Variants in ADAMTS3 observed in about 807,000 individuals in gnomAD.
ADAMTS3 encodes ADAM metallopeptidase with thrombospondin type 1 motif 3.
In ADAMTS3, 73 loss-of-function variants were observed where a neutral mutation model predicts 129.0. That is an observed-to-expected ratio of 0.57 (90% CI 0.47 to 0.69). ADAMTS3 has a LOEUF of 0.69. Among genes scored for constraint, ADAMTS3 ranks in the 30% least tolerant of loss-of-function variants. The pLI, the probability that ADAMTS3 is intolerant of heterozygous loss-of-function variation, is 0.00. For missense variants in ADAMTS3, 1,457 were observed against 1,514.5 expected, an observed-to-expected ratio of 0.96 and a Z score of 0.63; for synonymous variants, 477 against 510.8, an observed-to-expected ratio of 0.93 and a Z score of 0.89.
intron 3 of ADAMTS3, among the ~76,000 whole-genome samples, chr4:72,435,316 T>C (rs1258895534): frequency 6.6e-6 from 1 of 151,764 alleles, no homozygotes; most frequent in Non-Finnish European, 1.5e-5. Flanking sequence ...AAAATATTGA[T>C]TTTTAGGGCT....
rs994121554 is a variant in ADAMTS3, at chr4:72,501,533, T to G, written c.504+46945A>C. Among the ~76,000 whole-genome samples the G allele has an allele frequency of 3.9e-5, 6 of 152,104 alleles. No individual in the cohort carries two copies. In the East Asian group the frequency reaches 1.2e-3, roughly 29 times the overall value. Reference sequence around the variant, plus strand: ...AGCTTTTTGACAGAGTCTTTAGGGTTTTTTTAGCTCTAGAATCATATCATG... The same window carrying G: ...AGCTTTTTGACAGAGTCTTTAGGGTGTTTTTAGCTCTAGAATCATATCATG... On this transcript the variant is annotated intron_variant, in intron 3 of 21. Transcript: ENST00000286657.
intron 3 of ADAMTS3, among the ~76,000 whole-genome samples, chr4:72,528,870 A>G (rs1259913355): frequency 6.6e-6 from 1 of 152,106 alleles, no homozygotes; most frequent in Non-Finnish European, 1.5e-5. Context: ...AAGAATTGTT[A>G]AAAACCCAAG....
intron 4 of ADAMTS3, among the ~76,000 whole-genome samples, chr4:72,399,684 T>A (rs957866067): frequency 3.3e-5 from 5 of 150,670 alleles, no homozygotes; most frequent in Admixed American, 6.6e-5. Flanking sequence ...AGAAGTTATA[T>A]ATATGTGTAT....
intron 3 of ADAMTS3, among the ~76,000 whole-genome samples, chr4:72,537,747 A>C (rs957461252): frequency 6.6e-6 from 1 of 152,112 alleles, no homozygotes; most frequent in Non-Finnish European, 1.5e-5. Flanking sequence ...AAGGAACAGA[A>C]AAGTATGGTC....
At chr4:72,534,235 G>A (rs547300093) in intron 3 of ADAMTS3, among the ~76,000 whole-genome samples, 68 of 152,246 alleles carry the variant, frequency 4.5e-4, no homozygotes, top group Non-Finnish European at 3.4e-4. Context: ...GCTGAGGCAG[G>A]AGAATGGCGT....
In ADAMTS3 at chr4:72,436,706, G is replaced by A. The variant is rs146793921; in HGVS notation, c.505-21735C>T. 7.5e-3 allele frequency among the ~76,000 whole-genome samples: 1,141 copies of A among 152,130 alleles called. 26 individuals are homozygous for A. Among genetic ancestry groups the A allele is most frequent in the African/African-American group, 0.026 (1,084 of 41,506 alleles). On this transcript the variant is annotated intron_variant, in intron 3 of 21. Coordinates refer to ENST00000286657, the MANE Select transcript of ADAMTS3 (RefSeq NM_014243.3). ...AAAGGATGAGTTCATGTCCTTTATA[G>A]GGACATGGATAAAGCTAGGAACCAT...
chr4:72,408,198 A>G (rs1042972494), intron 4 of ADAMTS3, among the ~76,000 whole-genome samples: 1 of 152,212 alleles, frequency 6.6e-6, no homozygotes, highest in Admixed American at 6.5e-5. Flanking sequence ...ATATTATTTC[A>G]GAGCCACATT....
chr4:72,302,678 T>C (rs1045642784), intron 17 of ADAMTS3, among the ~76,000 whole-genome samples: 4 of 151,810 alleles, frequency 2.6e-5, no homozygotes, highest in African/African-American at 9.7e-5. Flanking sequence ...GCATAAGACA[T>C]ACAAAGAACA....
intron 4 of ADAMTS3, among the ~76,000 whole-genome samples, chr4:72,408,636 G>A (rs1038001552): frequency 6.6e-6 from 1 of 151,098 alleles, no homozygotes; most frequent in African/African-American, 2.4e-5. Context: ...CTCCAGAAAC[G>A]TCTGGATTCC....
chr4:72,514,205 T>C (rs535697305), intron 3 of ADAMTS3, among the ~76,000 whole-genome samples: 36 of 152,246 alleles, frequency 2.4e-4, no homozygotes, highest in African/African-American at 7.5e-4. Context: ...CCCTTAATAG[T>C]AATAAATTCA....
rs1211493748 is a variant in ADAMTS3, at chr4:72,282,082, A to G, written c.*1054T>C. The G allele has an allele frequency of 1.3e-5, 2 of 152,184 alleles. No individual in the cohort carries two copies. Among genetic ancestry groups the G allele is most frequent in the Non-Finnish European group, 2.9e-5 (2 of 68,006 alleles). The allele number at this position is 152,184 out of a possible 1,614,324, so 9.4% of individuals were successfully genotyped here. ...AAAGCTCTACTATACTCAAATATCA[A>G]TTCTAGACTGATGATATTTTTCTCA... On this transcript the variant is annotated 3_prime_UTR_variant, in exon 22 of 22. Coordinates refer to ENST00000286657, the MANE Select transcript of ADAMTS3 (RefSeq NM_014243.3).
chr4:72,438,717 T>A (rs1483711710), intron 3 of ADAMTS3, among the ~76,000 whole-genome samples: 1 of 151,670 alleles, frequency 6.6e-6, no homozygotes, highest in African/African-American at 2.4e-5. Flanking sequence ...CTTGAAAGAG[T>A]ATTGAGGACA....
intron 15 of ADAMTS3, 126 bp downstream of exon 15, chr4:72,309,271 A>T (rs2109794343): frequency 2.1e-6 from 2 of 930,634 alleles, no homozygotes; most frequent in African/African-American, 3.3e-5. Flanking sequence ...TAATCTGAAT[A>T]ACAATAAATC....
At chr4:72,363,468 A>T (rs752627214) in intron 4 of ADAMTS3, among the ~76,000 whole-genome samples, 1 of 152,228 alleles carries the variant, frequency 6.6e-6, no homozygotes, top group Non-Finnish European at 1.5e-5. Context: ...TCCCTGAATG[A>T]ATGTAGAAGT....
intron 3 of ADAMTS3, among the ~76,000 whole-genome samples, chr4:72,507,586 G>A (rs1578743725): frequency 6.6e-6 from 1 of 152,218 alleles, no homozygotes; most frequent in South Asian, 2.1e-4. Context: ...ATGTTATCCA[G>A]ATAGCATTTC....
intron 3 of ADAMTS3, among the ~76,000 whole-genome samples, chr4:72,541,200 A>G (rs1213363645): frequency 1.3e-5 from 2 of 152,192 alleles, no homozygotes; most frequent in Non-Finnish European, 2.9e-5. Flanking sequence ...TGAGACCTGG[A>G]GTCAAAGGAG....
chr4:72,363,776 G>GA (rs143108299), intron 4 of ADAMTS3, among the ~76,000 whole-genome samples: 27 of 150,072 alleles, frequency 1.8e-4, no homozygotes, highest in Admixed American at 8.6e-4. Context: ...AATAGGAAAA[G>GA]AAAAAAAAAT....
chr4:72,397,212 CT>C (rs1721746788), intron 4 of ADAMTS3, among the ~76,000 whole-genome samples: 2 of 152,094 alleles, frequency 1.3e-5, no homozygotes, highest in Admixed American at 1.3e-4. Context: ...TTTTTTTAAA[CT>C]TGTAAAATAG....
At chr4:72,406,290 C>T (rs1379896557) in intron 4 of ADAMTS3, among the ~76,000 whole-genome samples, 2 of 152,104 alleles carry the variant, frequency 1.3e-5, no homozygotes, top group African/African-American at 4.8e-5. Context: ...GCCTACTTGG[C>T]CAGCCACAGG....
Sources: allele counts gnomAD v4.1 joint callset (sites outside exome capture counted in the v4.1 genomes callset), GRCh38; gene constraint gnomAD v4.1.1; transcripts MANE v1.5; gene names NCBI Gene and HGNC (gene_info 2026-07-23, HGNC 2026-07-21).